The following MTREX variants were observed in gnomAD, a reference collection of about 807,000 sequenced individuals.
MTREX encodes exosome RNA helicase MTR4.
MTREX carries 76 observed loss-of-function variants against 135.4 expected under a neutral mutation model. The observed-to-expected ratio is 0.56, with a 90% CI of 0.47 to 0.68. The LOEUF is 0.68. MTREX is among the 30% of genes least tolerant of loss of function. The pLI is 0.00. For missense variants in MTREX, 920 were observed against 1,262.1 expected, an observed-to-expected ratio of 0.73 and a Z score of 4.11; for synonymous variants, 404 against 401.6, an observed-to-expected ratio of 1.01 and a Z score of -0.07.
chr5:55,400,638 G>GT (rs1469496603), intron 21 of MTREX, among the ~76,000 whole-genome samples: 1 of 152,140 alleles, frequency 6.6e-6, no homozygotes, highest in African/African-American at 2.4e-5. Context: ...AGGATGTTCT[G>GT]TTTTTTCTTC....
chr5:55,408,332 A>G (rs779776616), intron 22 of MTREX, among the ~76,000 whole-genome samples: 1 of 152,156 alleles, frequency 6.6e-6, no homozygotes, highest in South Asian at 2.1e-4. Flanking sequence ...TAACACTTGT[A>G]TAAATCAATT....
chr5:55,421,278 G>A (rs1019499139), intron 25 of MTREX, among the ~76,000 whole-genome samples: 1 of 152,190 alleles, frequency 6.6e-6, no homozygotes, highest in Non-Finnish European at 1.5e-5. Context: ...TTAATCGTCA[G>A]TCTTCATTAA....
In MTREX at chr5:55,397,456, G is replaced by C. The variant is rs751787470; in HGVS notation, c.2222G>C (p.Ser741Thr). 1 of 1,610,902 alleles carries C rather than the reference G, an allele frequency of 6.2e-7. No individual in the cohort carries two copies. Among genetic ancestry groups the C allele is most frequent in the South Asian group, 1.1e-5 (1 of 90,618 alleles). ...VLVHLLSAISSVRLYIPKDLR... is the reference protein window; with the variant it reads ...VLVHLLSAISTVRLYIPKDLR... Reference sequence around the variant, plus strand: ...GTGCATCTCCTGTCTGCTATCAGCAGTGTTAGGCTTTACATTCCTAAAGAC... The same window carrying C: ...GTGCATCTCCTGTCTGCTATCAGCACTGTTAGGCTTTACATTCCTAAAGAC... Residue 741 changes from serine to threonine, a missense_variant, in exon 20 of 27, where the codon AGT (serine) becomes ACT (threonine). This residue lies in a region of MTREX where 467 missense variants were observed against 589.7 expected (regional missense o/e 0.79). Coordinates refer to ENST00000230640, the MANE Select transcript of MTREX (RefSeq NM_015360.5).
chr5:55,375,160 T>A (rs1335542904), intron 16 of MTREX, among the ~76,000 whole-genome samples: 1 of 152,088 alleles, frequency 6.6e-6, no homozygotes, highest in Non-Finnish European at 1.5e-5. Context: ...AGGGCGAAAT[T>A]AAAATTGCTA....
chr5:55,319,386 T>A (rs1749251123), intron 1 of MTREX, among the ~76,000 whole-genome samples: 1 of 152,232 alleles, frequency 6.6e-6, no homozygotes, highest in Admixed American at 6.5e-5. Flanking sequence ...TTCATGACCA[T>A]TTTAGAATGT....
chr5:55,340,586 T>C (rs181056810), intron 6 of MTREX, among the ~76,000 whole-genome samples: 1 of 152,292 alleles, frequency 6.6e-6, no homozygotes, highest in Admixed American at 6.5e-5. Context: ...TTTTTATTTA[T>C]TTATTTATTT....
chr5:55,391,400 C>T (rs1484764710), intron 19 of MTREX, among the ~76,000 whole-genome samples: 1 of 151,968 alleles, frequency 6.6e-6, no homozygotes, highest in African/African-American at 2.4e-5. Context: ...TGAGCCGTGA[C>T]CATGCCACTG....
intron 2 of MTREX, among the ~76,000 whole-genome samples, 173 bp from the exon 3 acceptor site, chr5:55,323,959 A>G (rs1749328705): frequency 6.6e-6 from 1 of 152,192 alleles, no homozygotes. Context: ...TTTTCAGCAT[A>G]TATTTGCATA....
intron 22 of MTREX, among the ~76,000 whole-genome samples, chr5:55,410,013 T>C (rs1403015718): frequency 1.3e-5 from 2 of 152,096 alleles, no homozygotes; most frequent in Non-Finnish European, 2.9e-5. Context: ...TCAGGAGTTC[T>C]AGACCAGCCT....
intron 1 of MTREX, among the ~76,000 whole-genome samples, chr5:55,320,790 C>T (rs1387700866): frequency 6.6e-6 from 1 of 152,156 alleles, no homozygotes; most frequent in African/African-American, 2.4e-5. Context: ...AATGGAATAG[C>T]AGTTCTGAGT....
At chr5:55,322,299 A>G in intron 1 of MTREX, 28 bp from the exon 2 acceptor site, 1 of 1,580,712 alleles carries the variant, frequency 6.3e-7, no homozygotes, top group Non-Finnish European at 8.6e-7. Flanking sequence ...GATACTGCAG[A>G]ATTCATTCCA....
chr5:55,341,786 G>A lies in MTREX; in HGVS notation c.781+15G>A. 8.2e-7 allele frequency: 1 copy of A among 1,216,932 alleles called. No homozygotes were observed. The highest frequency in any genetic ancestry group is 1.4e-5 in the South Asian group (1 of 74,060). 75.4% of individuals were successfully genotyped at this position (1,216,932 alleles called of 1,614,324 possible). A position where few individuals can be genotyped will look rare whatever the true frequency, so the allele number is the denominator to read the frequency against. Reference sequence around the variant, plus strand: ...GAGAGATTCAGGTATATTCAGTGTTGAAATGTATATCATGTATTTCCCTTC... The same window carrying A: ...GAGAGATTCAGGTATATTCAGTGTTAAAATGTATATCATGTATTTCCCTTC... On this transcript the variant is annotated intron_variant, in intron 7 of 26. Transcript: ENST00000230640.
At chr5:55,407,793 G>T (rs1395932116) in intron 22 of MTREX, among the ~76,000 whole-genome samples, 5 of 151,990 alleles carry the variant, frequency 3.3e-5, no homozygotes, top group Admixed American at 3.3e-4. Flanking sequence ...TTGCTCTGTT[G>T]CCCAGGCTGG....
chr5:55,312,511 C>G (rs960638083), intron 1 of MTREX, among the ~76,000 whole-genome samples: 11 of 151,712 alleles, frequency 7.3e-5, no homozygotes, highest in Admixed American at 5.9e-4. Flanking sequence ...TTTTGTGCCC[C>G]TTTTTAATAC....
Position 55,425,248 on chromosome 5 carries a change from T to A in MTREX, c.*476T>A. The A allele has an allele frequency of 6.2e-7, 1 of 1,613,940 alleles. No homozygotes were observed. Among genetic ancestry groups the A allele is most frequent in the Non-Finnish European group, 8.5e-7 (1 of 1,179,926 alleles). On this transcript the variant is annotated 3_prime_UTR_variant, in exon 27 of 27. Transcript: ENST00000230640. ...TCGGATAGTGATTCCCAGTTGTTGG[T>A]GTTTCATGCAGAGTTGTATGAGAGT...
At chr5:55,417,989 C>T (rs549297172) in intron 25 of MTREX, among the ~76,000 whole-genome samples, 6 of 151,358 alleles carry the variant, frequency 4.0e-5, no homozygotes, top group South Asian at 2.1e-4. Context: ...AATCCCAACA[C>T]TTTGGGAGGC....
intron 5 of MTREX, among the ~76,000 whole-genome samples, chr5:55,332,178 A>G (rs1318910155): frequency 6.6e-6 from 1 of 152,212 alleles, no homozygotes; most frequent in Non-Finnish European, 1.5e-5. Flanking sequence ...TAACAAGATC[A>G]CCAGGTGATG....
rs1477861019 is a variant in MTREX, at chr5:55,371,790, TG to T, written c.1810+4916del. Among the ~76,000 whole-genome samples, 3 of 152,080 alleles carry T rather than the reference TG, an allele frequency of 2.0e-5. No homozygotes were observed. The East Asian group carries it at 5.8e-4, about 29-fold the overall frequency. On this transcript the variant is annotated intron_variant, in intron 16 of 26. Coordinates refer to ENST00000230640, the MANE Select transcript of MTREX (RefSeq NM_015360.5). ...AGAAAAGATTAGAGAAACTGATTTT[TG>T]TTTGTTTAATATGGAGAAAAAAGAC...
chr5:55,404,812 T>G (rs1217632843), intron 21 of MTREX, among the ~76,000 whole-genome samples: 2 of 150,956 alleles, frequency 1.3e-5, no homozygotes, highest in Admixed American at 1.3e-4. Flanking sequence ...TTTTTTTTCT[T>G]TTTTTTTTTT....
Sources: allele counts gnomAD v4.1 joint callset (sites outside exome capture counted in the v4.1 genomes callset), GRCh38; gene constraint gnomAD v4.1.1; regional missense constraint gnomAD v4.1.1; transcripts MANE v1.5; gene names NCBI Gene and HGNC (gene_info 2026-07-23, HGNC 2026-07-21).